SHANK2: variants seen among roughly 807,000 people sequenced by gnomAD.
SHANK2 encodes SH3 and multiple ankyrin repeat domains 2, also known as SH3 and multiple ankyrin repeat domains protein 2.
A neutral mutation model predicts 133.7 loss-of-function variants in SHANK2; 43 were observed. The observed-to-expected ratio is 0.32, with a 90% confidence interval of 0.25 to 0.41. The LOEUF (loss-of-function observed/expected upper bound fraction) is 0.41, where lower values mean the gene tolerates loss of function less well. SHANK2 is among the 10% of genes least tolerant of loss of function. SHANK2 has a pLI of 1.00. For missense variants in SHANK2, 1,994 were observed against 2,235.8 expected, an observed-to-expected ratio of 0.89 and a Z score of 2.18; for synonymous variants, 1,017 against 952.8, an observed-to-expected ratio of 1.07 and a Z score of -1.24.
At chr11:70,495,396 G>A (rs1178282782) in intron 21 of SHANK2, among the ~76,000 whole-genome samples, 1 of 152,228 alleles carries the variant, frequency 6.6e-6, no homozygotes, top group Non-Finnish European at 1.5e-5. Flanking sequence ...CCTTGACTTG[G>A]GACCAGGTGA....
chr11:70,636,417 ATGTGTGCAAGTG>A (rs2061086586), intron 17 of SHANK2, among the ~76,000 whole-genome samples: 1 of 151,650 alleles, frequency 6.6e-6, no homozygotes, highest in Admixed American at 6.6e-5. Flanking sequence ...ATGTGTGAGC[ATGTGTGCAAGTG>A]TGTGAGCATA....
At chr11:71,206,927 A>T (rs193098905) in intron 2 of SHANK2, among the ~76,000 whole-genome samples, 3 of 151,850 alleles carry the variant, frequency 2.0e-5, no homozygotes, top group African/African-American at 7.3e-5. Flanking sequence ...AAGTCAAAGT[A>T]AAAAAAAGAT....
At chr11:70,580,614 G>A (rs2060171906) in intron 17 of SHANK2, among the ~76,000 whole-genome samples, 1 of 152,178 alleles carries the variant, frequency 6.6e-6, no homozygotes, top group African/African-American at 2.4e-5. Flanking sequence ...AGGAGGGAGT[G>A]GTGTTTTGCC....
chr11:70,537,835 T>G (rs1445487533), intron 17 of SHANK2, among the ~76,000 whole-genome samples: 1 of 152,134 alleles, frequency 6.6e-6, no homozygotes, highest in Non-Finnish European at 1.5e-5. Flanking sequence ...CCAGGCCTGG[T>G]GTAGCCGACG....
chr11:70,837,626 G>A lies in SHANK2; in HGVS notation c.1175-16944C>T, dbSNP rs536619771. On this transcript the variant is annotated intron_variant, in intron 11 of 25. Transcript: ENST00000601538. ...AGTAAACTGTAAACTGCTGACAAGT[G>A]CAGTCTGTCTTAATCACCACTGCAT... is the stretch of plus-strand genomic sequence containing the variant. Among the ~76,000 whole-genome samples, 82 of 152,260 alleles carry A rather than the reference G, an allele frequency of 5.4e-4. No homozygotes were observed. In the South Asian group the frequency reaches 0.016, roughly 30 times the overall value.
intron 12 of SHANK2, among the ~76,000 whole-genome samples, chr11:70,812,933 G>C (rs1439379316): frequency 6.9e-6 from 1 of 144,506 alleles, no homozygotes; most frequent in Non-Finnish European, 1.5e-5. Context: ...ACTTGGATCA[G>C]TGAGTTGGGC....
Position 71,113,393 on chromosome 11 carries a change from AAAC to A in SHANK2, c.412-32_412-30del, listed in dbSNP as rs782521709. 1.2e-4 allele frequency: 185 copies of A among 1,545,496 alleles called. No homozygotes were observed. The African/African-American group carries it at 2.2e-3, about 19-fold the overall frequency. On this transcript the variant is annotated intron_variant, in intron 4 of 25. Transcript: ENST00000601538. The stretch of plus-strand genomic sequence containing the variant: ...GCACAGAAAACAAAAAAGAGAGAGA[AAAC>A]AAGTCAATACTTCTCAGAGTTGTTC...
intron 2 of SHANK2, among the ~76,000 whole-genome samples, chr11:71,173,593 CAA>C (rs1953362121): frequency 6.6e-6 from 1 of 152,228 alleles, no homozygotes; most frequent in Non-Finnish European, 1.5e-5. Flanking sequence ...AACTTCTGCC[CAA>C]AGAGTCAACT....
intron 17 of SHANK2, among the ~76,000 whole-genome samples, chr11:70,627,957 A>C (rs1451101912): frequency 6.6e-6 from 1 of 151,950 alleles, no homozygotes; most frequent in South Asian, 2.1e-4. Flanking sequence ...CAAGGAAGAG[A>C]GTTGTTTTTT....
In SHANK2 at chr11:71,180,864, G is replaced by A. The variant is rs1953540449; in HGVS notation, c.-12-33526C>T. The stretch of plus-strand genomic sequence containing the variant: ...AATTCAGGGGCAAGGTCAGACCATC[G>A]GACAGTCCCTCCCCTCCACCAACGC... On this transcript the variant is annotated intron_variant, in intron 2 of 25. Coordinates refer to ENST00000601538, the MANE Select transcript of SHANK2 (RefSeq NM_012309.5). 2.6e-5 allele frequency among the ~76,000 whole-genome samples: 4 copies of A among 152,042 alleles called. No homozygotes were observed. In the South Asian group the frequency reaches 6.2e-4, roughly 24 times the overall value.
chr11:70,845,577 C>G (rs937226936), intron 11 of SHANK2, among the ~76,000 whole-genome samples: 3 of 152,030 alleles, frequency 2.0e-5, no homozygotes, highest in Non-Finnish European at 4.4e-5. Context: ...GGGGATGCCT[C>G]CAAACCACCC....
intron 15 of SHANK2, among the ~76,000 whole-genome samples, chr11:70,696,637 C>A (rs548059662): frequency 3.3e-5 from 5 of 152,330 alleles, no homozygotes; most frequent in African/African-American, 9.6e-5. Context: ...GCGAGTGTAG[C>A]AAGACCTGGA....
intron 17 of SHANK2, among the ~76,000 whole-genome samples, chr11:70,538,521 G>C (rs573415455): frequency 6.6e-6 from 1 of 152,342 alleles, no homozygotes; most frequent in South Asian, 2.1e-4. Context: ...TAAGGAGGTG[G>C]CTCCCACTGT....
intron 14 of SHANK2, among the ~76,000 whole-genome samples, chr11:70,764,321 C>T (rs1340625373): frequency 6.7e-6 from 1 of 149,398 alleles, no homozygotes; most frequent in Non-Finnish European, 1.5e-5. Context: ...TCCCTCCCTC[C>T]TCCTTCTATC....
rs1185333069 is a variant in SHANK2 at position 70,569,389 on chromosome 11, G to A, written c.2062-66458C>T. 1.3e-5 allele frequency among the ~76,000 whole-genome samples: 2 copies of A among 152,170 alleles called. No homozygotes were observed. Among genetic ancestry groups the A allele is most frequent in the African/African-American group, 4.8e-5 (2 of 41,434 alleles). ...CAGGTGCGGTGGAGCGGGGAGCTCCGGGGCTGGCAGAGTGAGCAGGGCCTG... is the reference window on the plus strand; with the variant it reads ...CAGGTGCGGTGGAGCGGGGAGCTCCAGGGCTGGCAGAGTGAGCAGGGCCTG... On this transcript the variant is annotated intron_variant, in intron 17 of 25. Coordinates refer to ENST00000601538, the MANE Select transcript of SHANK2 (RefSeq NM_012309.5). This position sits in a 1 kb window ranked among gnomAD's most constrained non-coding sequence, Gnocchi z 5.1.
At position 71,158,080 on chromosome 11, in the gene SHANK2, A is replaced by G. The variant is rs77183281; in HGVS notation, c.-12-10742T>C. ...AGAATTTCCCAAACTCGAACAGAGCACCTACTCAAATCCTGTAGCAAACAT... is the reference window on the plus strand; with the variant it reads ...AGAATTTCCCAAACTCGAACAGAGCGCCTACTCAAATCCTGTAGCAAACAT... On this transcript the variant is annotated intron_variant, in intron 2 of 25. Coordinates refer to ENST00000601538, the MANE Select transcript of SHANK2 (RefSeq NM_012309.5). 3.2e-3 allele frequency among the ~76,000 whole-genome samples: 484 copies of G among 152,338 alleles called. 2 individuals carry two copies. Among genetic ancestry groups the G allele is most frequent in the African/African-American group, 0.011 (472 of 41,564 alleles).
rs1555148997 is a variant in SHANK2, at chr11:70,473,005, T to A, written c.5414A>T (p.Glu1805Val). The change falls in exon 26 of 26, where the codon GAG (glutamate) becomes GTG (valine). Residue 1805 changes from glutamate to valine, a missense_variant. Glu to Val is a moderately radical substitution (Grantham distance 121). Coordinates refer to ENST00000601538, the MANE Select transcript of SHANK2 (RefSeq NM_012309.5). The surrounding 1 kb of genome is among the most constrained non-coding windows in gnomAD (Gnocchi z 5.9). ...ATCGATCTCATTGTCCATGAAGGCC[T>A]CTTTATGTTCACCCAAGTTTAGACT... Reference protein sequence around the residue: ...LESLNLGEHKEAFMDNEIDGS... With the variant: ...LESLNLGEHKVAFMDNEIDGS... 1 of 1,614,238 alleles carries A rather than the reference T, an allele frequency of 6.2e-7. No homozygotes were observed. The highest frequency in any genetic ancestry group is 1.3e-5 in the African/African-American group (1 of 75,070).
At chr11:71,160,913 G>A (rs781787110) in intron 2 of SHANK2, among the ~76,000 whole-genome samples, 42 of 152,210 alleles carry the variant, frequency 2.8e-4, no homozygotes, top group Non-Finnish European at 5.0e-4. Context: ...TGTCTCCAAA[G>A]AAGATGGCTT....
At position 71,248,662 on chromosome 11, in the gene SHANK2, C is replaced by G. The variant is rs184698387; in HGVS notation, c.-113+3763G>C. Among the ~76,000 whole-genome samples, 295 of 152,278 alleles carry G rather than the reference C, an allele frequency of 1.9e-3. 2 individuals are homozygous for G. The highest frequency in any genetic ancestry group is 6.9e-3 in the African/African-American group (288 of 41,562). On this transcript the variant is annotated intron_variant, in intron 1 of 25. Coordinates refer to ENST00000601538, the MANE Select transcript of SHANK2 (RefSeq NM_012309.5). ...GAGTCTCACTACCTGCGCTGCAGCT[C>G]CTGACGTTATTATTGTGACTAGCGG...
Sources: gnomAD v4.1 joint callset for allele counts (sites outside exome capture counted in the v4.1 genomes callset) on GRCh38, gnomAD v4.1.1 for gene constraint, Gnocchi (gnomAD v3.1) non-coding constraint, MANE v1.5 for transcripts, NCBI Gene and HGNC (gene_info 2026-07-23, HGNC 2026-07-21) for gene names.